Variants in UBE2D1 observed in about 807,000 individuals in gnomAD.
UBE2D1 encodes the protein ubiquitin conjugating enzyme E2 D1.
UBE2D1 carries 9 observed loss-of-function variants against 24.6 expected under a neutral mutation model. That is an observed-to-expected ratio of 0.37 (90% CI 0.22 to 0.64). The LOEUF (loss-of-function observed/expected upper bound fraction) is 0.64, where lower values mean the gene tolerates loss of function less well. UBE2D1 is among the 30% of genes least tolerant of loss of function. The pLI is 0.64. For missense variants in UBE2D1, 87 were observed against 177.1 expected, an observed-to-expected ratio of 0.49 and a Z score of 2.89; for synonymous variants, 57 against 57.6, an observed-to-expected ratio of 0.99 and a Z score of 0.04.
At chr10:58,367,389 C>G (rs1206474328) in intron 5 of UBE2D1, among the ~76,000 whole-genome samples, 2 of 151,854 alleles carry the variant, frequency 1.3e-5, no homozygotes, top group East Asian at 3.9e-4. Flanking sequence ...ATTTTCATTT[C>G]TTTTTTAAAA....
At chr10:58,348,557 T>A (rs1050771688) in intron 1 of UBE2D1, among the ~76,000 whole-genome samples, 32 of 152,350 alleles carry the variant, frequency 2.1e-4, no homozygotes, top group African/African-American at 7.0e-4. Flanking sequence ...AATTTTGGGC[T>A]GTAAGTCAGC....
chr10:58,364,067 G>A (rs1840228946), intron 4 of UBE2D1, among the ~76,000 whole-genome samples: 1 of 151,196 alleles, frequency 6.6e-6, no homozygotes, highest in Non-Finnish European at 1.5e-5. Flanking sequence ...CATTCACCGA[G>A]TACCTACTGT....
chr10:58,368,048 G>A lies in UBE2D1; in HGVS notation c.398+32G>A, dbSNP rs777421975. The A allele has an allele frequency of 2.4e-5, 35 of 1,471,858 alleles. 1 individual carries two copies. The South Asian group carries it at 3.9e-4, about 16-fold the overall frequency. 91.2% of individuals were successfully genotyped at this position (1,471,858 alleles called of 1,614,324 possible). On this transcript the variant is annotated intron_variant, in intron 6 of 6. Coordinates refer to ENST00000373910, the MANE Select transcript of UBE2D1 (RefSeq NM_003338.5). Reference sequence around the variant, plus strand: ...GTTTACTTATTTTAGTTTCTGTATGGATACATTCCTATATAGTATGCCAAA... The same window carrying A: ...GTTTACTTATTTTAGTTTCTGTATGAATACATTCCTATATAGTATGCCAAA...
At chr10:58,361,315 T>G in intron 1 of UBE2D1, 23 bp from the exon 2 acceptor site, 1 of 1,612,934 alleles carries the variant, frequency 6.2e-7, no homozygotes, top group Non-Finnish European at 8.5e-7. Context: ...GAATTAACCT[T>G]ACATATTTTT....
At chr10:58,340,938 T>A (rs1839955487) in intron 1 of UBE2D1, among the ~76,000 whole-genome samples, 1 of 152,218 alleles carries the variant, frequency 6.6e-6, no homozygotes, top group African/African-American at 2.4e-5. Context: ...ACTGGAATGT[T>A]CTATACAAAT....
intron 3 of UBE2D1, among the ~76,000 whole-genome samples, chr10:58,361,955 C>CT (rs1324067854): frequency 6.6e-6 from 1 of 152,024 alleles, no homozygotes; most frequent in Non-Finnish European, 1.5e-5. Flanking sequence ...CATCACTGTT[C>CT]TTTTTTGTGA....
chr10:58,335,752 G>C (rs974348984), intron 1 of UBE2D1, among the ~76,000 whole-genome samples: 3 of 152,228 alleles, frequency 2.0e-5, no homozygotes, highest in African/African-American at 7.2e-5. Flanking sequence ...TCAGTTGCCC[G>C]AATGGGCTGG....
chr10:58,344,069 G>A (rs1266480942), intron 1 of UBE2D1, among the ~76,000 whole-genome samples: 1 of 152,120 alleles, frequency 6.6e-6, no homozygotes, highest in Non-Finnish European at 1.5e-5. Flanking sequence ...TTGACTCTCA[G>A]AGTGTCTTTA....
chr10:58,363,121 T>C (rs1015828816), intron 3 of UBE2D1, among the ~76,000 whole-genome samples: 4 of 152,266 alleles, frequency 2.6e-5, no homozygotes, highest in African/African-American at 9.6e-5. Context: ...GCAGGGTCCT[T>C]AGCATTTTCT....
At chr10:58,355,142 C>A (rs998003177) in intron 1 of UBE2D1, among the ~76,000 whole-genome samples, 24 of 152,126 alleles carry the variant, frequency 1.6e-4, no homozygotes, top group African/African-American at 5.8e-4. Flanking sequence ...TAGATAACAT[C>A]TGAGTTTTAT....
At position 58,335,033 on chromosome 10, in the gene UBE2D1, C is replaced by G; in HGVS notation, c.-169C>G. 1.6e-6 allele frequency: 1 copy of G among 628,518 alleles called. No individual in the cohort carries two copies. The highest frequency in any genetic ancestry group is 2.1e-5 in the South Asian group (1 of 48,382). 38.9% of individuals were successfully genotyped at this position (628,518 alleles called of 1,614,324 possible). On this transcript the variant is annotated 5_prime_UTR_variant, in exon 1 of 7. Transcript: ENST00000373910. ...ACACTCGCGCACACTCGCGCTCGGG[C>G]GCACACGGAGCAGGGACCGGCGCCC...
chr10:58,335,298 G>A (rs1839890034), intron 1 of UBE2D1, 73 bp downstream of exon 1: 1 of 1,436,786 alleles, frequency 7.0e-7, no homozygotes, highest in Non-Finnish European at 9.2e-7. Context: ...CAGTGGTCCC[G>A]AGAGACATGC....
chr10:58,360,170 C>T (rs1390296755), intron 1 of UBE2D1, among the ~76,000 whole-genome samples: 1 of 152,214 alleles, frequency 6.6e-6, no homozygotes, highest in African/African-American at 2.4e-5. Flanking sequence ...TCCTCTGCCA[C>T]TCTGCCTCCC....
chr10:58,346,898 AAG>A (rs1310499904), intron 1 of UBE2D1, among the ~76,000 whole-genome samples: 1 of 152,202 alleles, frequency 6.6e-6, no homozygotes, highest in Non-Finnish European at 1.5e-5. Flanking sequence ...GGACATTGAA[AAG>A]AGGGATATAT....
At chr10:58,346,020 T>TC (rs1262239141) in intron 1 of UBE2D1, among the ~76,000 whole-genome samples, 1 of 151,732 alleles carries the variant, frequency 6.6e-6, no homozygotes, top group East Asian at 1.9e-4. Context: ...CTTTTTTTTT[T>TC]TTTTTTTTTA....
chr10:58,350,768 A>G (rs566972023), intron 1 of UBE2D1, among the ~76,000 whole-genome samples: 1 of 152,264 alleles, frequency 6.6e-6, no homozygotes, highest in East Asian at 1.9e-4. Context: ...GCATTGTGTA[A>G]TGACAGGGAT....
At chr10:58,363,765 A>G in intron 4 of UBE2D1, 79 bp downstream of exon 4, 7 of 1,082,394 alleles carry the variant, frequency 6.5e-6, no homozygotes, top group Non-Finnish European at 9.4e-6. Flanking sequence ...GATTATCTAG[A>G]GCTCATTTGA....
At chr10:58,362,031 T>C (rs1182115285) in intron 3 of UBE2D1, among the ~76,000 whole-genome samples, 2 of 152,186 alleles carry the variant, frequency 1.3e-5, no homozygotes, top group Non-Finnish European at 2.9e-5. Context: ...TGCTTTTAAT[T>C]TTGTTGCATT....
intron 1 of UBE2D1, among the ~76,000 whole-genome samples, chr10:58,337,361 A>C (rs1465546781): frequency 1.3e-5 from 2 of 152,046 alleles, no homozygotes; most frequent in Non-Finnish European, 2.9e-5. Context: ...TTGATTCCCT[A>C]CTTTTCCTCC....
Sources: allele counts gnomAD v4.1 joint callset (sites outside exome capture counted in the v4.1 genomes callset), GRCh38; gene constraint gnomAD v4.1.1; transcripts MANE v1.5; gene names NCBI Gene and HGNC (gene_info 2026-07-23, HGNC 2026-07-21).